SLC35D2: variants seen among roughly 807,000 people sequenced by gnomAD.
The protein encoded by SLC35D2 is nucleotide sugar transporter SLC35D2.
A neutral mutation model predicts 41.8 loss-of-function variants in SLC35D2; 43 were observed. That is an observed-to-expected ratio of 1.03 (90% CI 0.81 to 1.33). SLC35D2 has a LOEUF of 1.33. SLC35D2 is among the 40% of genes most tolerant of loss of function. The pLI is 0.00. For synonymous variants in SLC35D2, 150 were observed against 163.9 expected (o/e 0.92, Z 0.65); for missense variants, 380 against 408.4 (o/e 0.93, Z 0.60).
At chr9:96,368,799 C>T (rs1158331209) in intron 1 of SLC35D2, among the ~76,000 whole-genome samples, 2 of 151,788 alleles carry the variant, frequency 1.3e-5, no homozygotes, top group Admixed American at 6.6e-5. Flanking sequence ...GAGTCTCACT[C>T]TATCACGCAG....
intron 1 of SLC35D2, among the ~76,000 whole-genome samples, chr9:96,375,365 G>A (rs986072948): frequency 4.0e-5 from 6 of 151,666 alleles, no homozygotes. Context: ...ATCACCTGAT[G>A]TCAGGAGTTC....
chr9:96,318,976 A>G (rs1219226269), downstream of SLC35D2, among the ~76,000 whole-genome samples: 1 of 152,212 alleles, frequency 6.6e-6, no homozygotes, highest in Non-Finnish European at 1.5e-5. Flanking sequence ...AAAAACCTAA[A>G]AATAGAAAGA....
intron 1 of SLC35D2, among the ~76,000 whole-genome samples, chr9:96,380,792 G>GT (rs1227885345): frequency 2.0e-5 from 3 of 151,770 alleles, no homozygotes; most frequent in African/African-American, 7.3e-5. Context: ...TATCCTAAGT[G>GT]TTTAAGTTTT....
intron 8 of SLC35D2, among the ~76,000 whole-genome samples, chr9:96,340,619 C>CAAAAA (rs57501812): frequency 4.0e-4 from 14 of 35,376 alleles, no homozygotes; most frequent in Admixed American, 1.2e-3. Context: ...GACTCCATCT[C>CAAAAA]AAAAAAAAAA....
intron 2 of SLC35D2, 21 bp downstream of exon 2, chr9:96,368,251 A>G (rs1482210994): frequency 1.9e-6 from 3 of 1,581,096 alleles, no homozygotes; most frequent in Non-Finnish European, 2.6e-6. Context: ...TAAGAGGTTA[A>G]TTCTATTTTT....
chr9:96,364,445 C>A lies in SLC35D2; in HGVS notation c.279+19G>T. 1 of 1,376,742 alleles carries A rather than the reference C, an allele frequency of 7.3e-7. No homozygotes were observed. Among genetic ancestry groups the A allele is most frequent in the Non-Finnish European group, 1.0e-6 (1 of 968,148 alleles). The allele number at this position is 1,376,742 out of a possible 1,614,324, so 85.3% of individuals were successfully genotyped here. On this transcript the variant is annotated intron_variant, in intron 3 of 11. Coordinates refer to ENST00000253270, the MANE Select transcript of SLC35D2 (RefSeq NM_007001.3). ...TTTCACATCTTCTATCACAGTCATA[C>A]ATACTTTTCATTACTTACCTTTACA...
intron 1 of SLC35D2, among the ~76,000 whole-genome samples, chr9:96,372,555 CTAAATAAT>C (rs1056949660): frequency 8.9e-4 from 128 of 144,220 alleles, no homozygotes; most frequent in African/African-American, 3.1e-3. Flanking sequence ...CCTCTCTGAG[CTAAATAAT>C]TAAATAATTA....
At chr9:96,369,072 A>C (rs998300053) in intron 1 of SLC35D2, among the ~76,000 whole-genome samples, 3 of 151,942 alleles carry the variant, frequency 2.0e-5, no homozygotes, top group Non-Finnish European at 4.4e-5. Context: ...GCTAAACCTG[A>C]TATATTTTTA....
intron 6 of SLC35D2, among the ~76,000 whole-genome samples, chr9:96,346,443 C>T (rs894721023): frequency 6.6e-6 from 1 of 152,192 alleles, no homozygotes; most frequent in African/African-American, 2.4e-5. Flanking sequence ...GACCCTCCGT[C>T]CAGTGATAGG....
rs779243413 is a variant in SLC35D2 at position 96,368,300 on chromosome 9, G to C, written c.164C>G (p.Pro55Arg). The change falls in exon 2 of 12, where the codon CCG becomes CGG. Residue 55 changes from proline to arginine, a missense_variant. Physicochemically the swap from Pro to Arg is moderately radical, Grantham distance 103. Coordinates refer to ENST00000253270, the MANE Select transcript of SLC35D2 (RefSeq NM_007001.3). ...NKALLTTYGF[P>R]SPIFLGIGQM... ...TCCAATTCCAAGGAAAATTGGTGAC[G>C]GGAAACTACAAAGGACACAGAACAA... 16 of 1,605,292 alleles carry C rather than the reference G, an allele frequency of 1.0e-5. No homozygotes were observed. Among genetic ancestry groups the C allele is most frequent in the African/African-American group, 1.3e-5 (1 of 74,566 alleles).
chr9:96,368,382 G>T, intron 1 of SLC35D2, 77 bp from the exon 2 acceptor site: 2 of 1,024,944 alleles, frequency 2.0e-6, no homozygotes, highest in Non-Finnish European at 2.9e-6. Flanking sequence ...ATAATGACAA[G>T]TTATTAAACA....
chr9:96,324,213 TG>T, intron 9 of SLC35D2, 44 bp from the exon 10 acceptor site: 1 of 1,544,602 alleles, frequency 6.5e-7, no homozygotes, highest in Non-Finnish European at 8.9e-7. Context: ...CTCACTACGC[TG>T]GGTAATGACA....
At chr9:96,334,294 A>G (rs141010000) in intron 9 of SLC35D2, among the ~76,000 whole-genome samples, 3 of 152,298 alleles carry the variant, frequency 2.0e-5, no homozygotes, top group Non-Finnish European at 4.4e-5. Context: ...ACTTGTCCCT[A>G]TAGAAAAGTG....
rs34633441 is a variant in SLC35D2, at chr9:96,358,080, T to TTATATATATA, written c.347+2064_347+2073dup. Among the ~76,000 whole-genome samples the TTATATATATA allele has an allele frequency of 1.5e-3, 181 of 122,664 alleles. 8 individuals are homozygous for TTATATATATA. The highest frequency in any genetic ancestry group is 3.0e-3 in the African/African-American group (78 of 25,602). The allele number at this position is 122,664 out of a possible 152,430, so 80.5% of individuals were successfully genotyped here. The stretch of plus-strand genomic sequence containing the variant: ...ATGGATAAACAAAATATTATATATT[T>TTATATATATA]TATATATATATATATATATATATAT... On this transcript the variant is annotated intron_variant, in intron 4 of 11. Transcript: ENST00000253270.
rs1392405995 is a variant in SLC35D2, at chr9:96,320,760, G to A, written c.*482C>T. On this transcript the variant is annotated 3_prime_UTR_variant, in exon 12 of 12. Transcript: ENST00000253270. ...ATGATTAGGGAAAGATACCAACATA[G>A]CTTTCATCAAAGCTAACAAATAACT... The A allele has an allele frequency of 6.6e-6, 1 of 152,356 alleles. No individual in the cohort carries two copies. Among genetic ancestry groups the A allele is most frequent in the Non-Finnish European group, 1.5e-5 (1 of 68,220 alleles). The allele number at this position is 152,356 out of a possible 1,614,324, so 9.4% of individuals were successfully genotyped here. A position where few individuals can be genotyped will look rare whatever the true frequency, so the allele number is the denominator to read the frequency against.
intron 10 of SLC35D2, among the ~76,000 whole-genome samples, chr9:96,322,539 CATT>C (rs1828288109): frequency 6.6e-6 from 1 of 151,952 alleles, no homozygotes; most frequent in Admixed American, 6.6e-5. Context: ...ATAAATAAGC[CATT>C]ACATATGGGG....
chr9:96,368,170 C>T (rs1205525751), intron 2 of SLC35D2, 102 bp downstream of exon 2: 1 of 791,224 alleles, frequency 1.3e-6, no homozygotes, highest in Non-Finnish European at 2.0e-6. Context: ...CCTCTGCCAG[C>T]TGAATAAATT....
chr9:96,373,199 C>T (rs1414499244), intron 1 of SLC35D2, among the ~76,000 whole-genome samples: 1 of 151,998 alleles, frequency 6.6e-6, no homozygotes, highest in African/African-American at 2.4e-5. Flanking sequence ...ACCCCCGGCC[C>T]AATAATTACC....
chr9:96,379,871 A>C (rs148376213), intron 1 of SLC35D2, among the ~76,000 whole-genome samples: 1 of 151,650 alleles, frequency 6.6e-6, no homozygotes, highest in Non-Finnish European at 1.5e-5. Flanking sequence ...ATGAAACTCA[A>C]TAAGTTAAAG....
Sources: gnomAD v4.1 joint callset for allele counts (sites outside exome capture counted in the v4.1 genomes callset) on GRCh38, gnomAD v4.1.1 for gene constraint, MANE v1.5 for transcripts, NCBI Gene and HGNC (gene_info 2026-07-23, HGNC 2026-07-21) for gene names.